The following CYBB variants were observed in gnomAD, a reference collection of about 807,000 sequenced individuals.
CYBB encodes the protein NADPH oxidase 2.
A neutral mutation model predicts 46.5 loss-of-function variants in CYBB; 5 were observed. The ratio of observed to expected loss-of-function variants is 0.11; its 90% CI spans 0.06 to 0.23. CYBB has a LOEUF of 0.23. Among genes scored for constraint, CYBB ranks in the 10% least tolerant of loss-of-function variants. The pLI is 1.00. For missense variants in CYBB, 307 were observed against 428.3 expected (o/e 0.72, Z 2.50); for synonymous variants, 183 against 156.7 (o/e 1.17, Z -1.26).
At chrX:37,798,860 C>T (rs186490609) in intron 6 of CYBB, 95 bp from the exon 7 acceptor site, 8 of 896,433 alleles carry the variant, frequency 8.9e-6, no homozygotes, top group Non-Finnish European at 1.3e-5. Context: ...AAGTACAGGG[C>T]CTACATCAGA....
intron 6 of CYBB, among the ~76,000 whole-genome samples, chrX:37,798,535 G>A (rs1223003662): frequency 8.9e-6 from 1 of 112,060 alleles, no homozygotes; most frequent in Non-Finnish European, 1.9e-5. Flanking sequence ...ACACTTTGAT[G>A]ATTGAGCCCT....
intron 3 of CYBB, among the ~76,000 whole-genome samples, chrX:37,786,944 A>G (rs782352268): frequency 5.4e-5 from 6 of 111,027 alleles, no homozygotes; most frequent in African/African-American, 2.0e-4. Context: ...ACTAACACAA[A>G]TGTAAGAAGG....
chrX:37,796,546 TA>T (rs782617903), intron 6 of CYBB, among the ~76,000 whole-genome samples: 5 of 111,619 alleles, frequency 4.5e-5, no homozygotes, highest in Non-Finnish European at 9.4e-5. Flanking sequence ...TATAGTTCAA[TA>T]AGTTTTGATT....
At chrX:37,788,757 C>T (rs1929130275) in intron 3 of CYBB, among the ~76,000 whole-genome samples, 1 of 111,516 alleles carries the variant, frequency 9.0e-6, no homozygotes, top group Admixed American at 9.5e-5. Flanking sequence ...TCCAACCCTA[C>T]TAATTCTCAT....
rs782756433 is a variant in CYBB at position 37,799,016 on chromosome X, C to G, written c.736C>G (p.Gln246Glu). Residue 246 changes from glutamine to glutamate, a missense_variant, in exon 7 of 13, where the codon CAA (glutamine) becomes GAA (glutamate). Around this residue, in one of 3 missense-constraint regions of CYBB, gnomAD observed 82 missense variants for 69.9 expected, o/e 1.17. Coordinates refer to ENST00000378588, the MANE Select transcript of CYBB (RefSeq NM_000397.4). ...TGTGCATAATATAACAGTTTGTGAA[C>G]AAAAAATCTCAGAATGGGGAAAAAT... The part of the protein sequence containing the change: ...LAVHNITVCE[Q>E]KISEWGKIKE... 28 of 1,205,715 alleles carry G rather than the reference C, an allele frequency of 2.3e-5. No homozygotes were observed. Among genetic ancestry groups the G allele is most frequent in the Non-Finnish European group, 3.0e-5 (27 of 891,631 alleles).
intron 3 of CYBB, 96 bp downstream of exon 3, chrX:37,783,696 A>T: frequency 3.5e-6 from 2 of 576,155 alleles, no homozygotes; most frequent in Non-Finnish European, 6.0e-6. Context: ...ATTTGGGAGG[A>T]TTCCAGCTTC....
In CYBB at chrX:37,780,116, T is replaced by C. The variant is rs782135438; in HGVS notation, c.39T>C (p.Phe13=). 3 of 1,204,081 alleles carry C rather than the reference T, an allele frequency of 2.5e-6. No homozygotes were observed. In the South Asian group the frequency reaches 5.3e-5, roughly 21 times the overall value. The stretch of plus-strand genomic sequence containing the variant: ...CTGTGAATGAGGGGCTCTCCATTTT[T>C]GTCATTGTAAGTACCAACAAGAGAT... ...NWAVNEGLSI[F]VILVWLGLNV... is the part of the protein sequence containing the mutation. The change falls in exon 1 of 13, where the codon TTT becomes TTC. Residue 13 remains phenylalanine, a synonymous_variant. Coordinates refer to ENST00000378588, the MANE Select transcript of CYBB (RefSeq NM_000397.4).
intron 8 of CYBB, among the ~76,000 whole-genome samples, chrX:37,801,832 C>T (rs1556470123): frequency 9.0e-6 from 1 of 110,792 alleles, no homozygotes; most frequent in Admixed American, 9.6e-5. Flanking sequence ...ACCACCTTTT[C>T]TGTGCTGTGT....
chrX:37,805,244 G>A, intron 10 of CYBB, 76 bp downstream of exon 10: 1 of 1,059,834 alleles, frequency 9.4e-7, no homozygotes, highest in East Asian at 3.0e-5. Flanking sequence ...AGTGCTTTCA[G>A]GGCTAAGGTT....
chrX:37,811,657 T>C lies in CYBB; in HGVS notation c.*740T>C, dbSNP rs1929678421. 1 of 112,267 alleles carries C rather than the reference T, an allele frequency of 8.9e-6. No individual in the cohort carries two copies. Among genetic ancestry groups the C allele is most frequent in the Non-Finnish European group, 1.9e-5 (1 of 53,272 alleles). 9.3% of individuals were successfully genotyped at this position (112,267 alleles called of 1,213,427 possible). A position where few individuals can be genotyped will look rare whatever the true frequency, so the allele number is the denominator to read the frequency against. Reference sequence around the variant, plus strand: ...AAGTTTTGTTAAATGAATGAATGAATTTAGAACCACACAATGCCAAGATAG... The same window carrying C: ...AAGTTTTGTTAAATGAATGAATGAACTTAGAACCACACAATGCCAAGATAG... On this transcript the variant is annotated 3_prime_UTR_variant, in exon 13 of 13. Transcript: ENST00000378588.
chrX:37,786,782 A>G (rs1463145276), intron 3 of CYBB, among the ~76,000 whole-genome samples: 2 of 111,379 alleles, frequency 1.8e-5, no homozygotes, highest in African/African-American at 6.5e-5. Context: ...AGAAAGAAAC[A>G]GGAAGGTGAG....
chrX:37,801,372 T>G, intron 8 of CYBB, 24 bp downstream of exon 8: 1 of 1,006,781 alleles, frequency 9.9e-7, no homozygotes, highest in Non-Finnish European at 1.4e-6. Context: ...TAGTAATTAC[T>G]AGTGGTCAGT....
intron 6 of CYBB, 91 bp from the exon 7 acceptor site, chrX:37,798,864 C>T (rs1325081844): frequency 6.7e-5 from 63 of 945,191 alleles, no homozygotes; most frequent in Non-Finnish European, 8.3e-5. Flanking sequence ...ACAGGGCCTA[C>T]ATCAGAGCAC....
At chrX:37,790,204 G>A (rs782479952) in intron 3 of CYBB, among the ~76,000 whole-genome samples, 13 of 112,169 alleles carry the variant, frequency 1.2e-4, no homozygotes, top group Non-Finnish European at 2.1e-4. Context: ...GATATGATAT[G>A]ATCATGGTAG....
chrX:37,799,791 T>C (rs1361605602), intron 7 of CYBB, among the ~76,000 whole-genome samples: 1 of 111,900 alleles, frequency 8.9e-6, no homozygotes, highest in Non-Finnish European at 1.9e-5. Context: ...ATTTTCCCCA[T>C]TGGCAGATGG....
chrX:37,802,236 T>C (rs550530969), intron 8 of CYBB, among the ~76,000 whole-genome samples: 1 of 111,458 alleles, frequency 9.0e-6, no homozygotes, highest in African/African-American at 3.3e-5. Context: ...TCTTGAAATA[T>C]AGGAAACCAC....
chrX:37,812,352 A>C lies in CYBB; in HGVS notation c.*1435A>C, dbSNP rs1485717628. 1 of 111,274 alleles carries C rather than the reference A, an allele frequency of 9.0e-6. No individual in the cohort carries two copies. Among genetic ancestry groups the C allele is most frequent in the Non-Finnish European group, 1.9e-5 (1 of 53,088 alleles). 9.2% of individuals were successfully genotyped at this position (111,274 alleles called of 1,213,427 possible). A position where few individuals can be genotyped will look rare whatever the true frequency, so the allele number is the denominator to read the frequency against. Reference sequence around the variant, plus strand: ...ATGTTTAGAACTCTTCAACTTCGGTAATGAGGAAGAAGGAGAAAGAGCTGG... The same window carrying C: ...ATGTTTAGAACTCTTCAACTTCGGTCATGAGGAAGAAGGAGAAAGAGCTGG... On this transcript the variant is annotated 3_prime_UTR_variant, in exon 13 of 13. Coordinates refer to ENST00000378588, the MANE Select transcript of CYBB (RefSeq NM_000397.4).
At chrX:37,794,137 G>A (rs782605178) in intron 5 of CYBB, among the ~76,000 whole-genome samples, 1 of 111,671 alleles carries the variant, frequency 9.0e-6, no homozygotes, top group African/African-American at 3.2e-5. Context: ...GTCGAACAAG[G>A]TTTGGTTTAT....
intron 8 of CYBB, among the ~76,000 whole-genome samples, chrX:37,801,619 TG>T (rs1556469960): frequency 1.2e-4 from 13 of 109,034 alleles, no homozygotes; most frequent in African/African-American, 4.4e-4. Flanking sequence ...TGTGTGTGTG[TG>T]TGTGTGTGTT....
Sources: allele counts gnomAD v4.1 joint callset (sites outside exome capture counted in the v4.1 genomes callset), GRCh38; gene constraint gnomAD v4.1.1; regional missense constraint gnomAD v4.1.1; transcripts MANE v1.5; gene names NCBI Gene and HGNC (gene_info 2026-07-23, HGNC 2026-07-21).